Variants in SLC35F4 observed in about 807,000 individuals in gnomAD.
SLC35F4 encodes the protein solute carrier family 35 member F4.
SLC35F4 carries 24 observed loss-of-function variants against 44.2 expected under a neutral mutation model. That is an observed-to-expected ratio of 0.54 (90% confidence interval 0.39 to 0.76). SLC35F4 has a LOEUF of 0.76. SLC35F4 is among the 30% of genes least tolerant of loss of function. The pLI is 0.00. For missense variants in SLC35F4, 562 were observed against 586.1 expected, an observed-to-expected ratio of 0.96 and a Z score of 0.42; for synonymous variants, 238 against 223.6, an observed-to-expected ratio of 1.06 and a Z score of -0.57.
rs561318791 is a variant in SLC35F4 at position 57,917,588 on chromosome 14, G to A, written n.282+64325C>T. Among the ~76,000 whole-genome samples, 55 of 152,264 alleles carry A rather than the reference G, an allele frequency of 3.6e-4. 1 individual carries two copies. Among genetic ancestry groups the A allele is most frequent in the African/African-American group, 1.3e-3 (52 of 41,564 alleles). ...GATGAACTGAGAAAAAAGAACAACA[G>A]TAAATCAGCCTTTAGTAATATAGTG... On this transcript the variant is annotated intron_variant and non_coding_transcript_variant, in intron 1 of 1. Transcript: ENST00000556568.
intron 1 of SLC35F4, among the ~76,000 whole-genome samples, chr14:57,893,908 C>T (rs1412248133): frequency 2.0e-5 from 3 of 152,052 alleles, no homozygotes; most frequent in Non-Finnish European, 2.9e-5. Context: ...AAACTAATTG[C>T]TGGGATTATT....
chr14:57,716,778 TTTATAA>T (rs1225411989), intron 1 of SLC35F4, among the ~76,000 whole-genome samples: 4 of 152,180 alleles, frequency 2.6e-5, no homozygotes, highest in African/African-American at 9.7e-5. Context: ...CAGTAAATTA[TTTATAA>T]TTATAGTCAT....
chr14:57,686,914 G>C lies in SLC35F4; in HGVS notation c.104-92790C>G, dbSNP rs796800372. 3.9e-5 allele frequency among the ~76,000 whole-genome samples: 6 copies of C among 152,172 alleles called. 1 individual carries two copies. The highest frequency in any genetic ancestry group is 1.4e-4 in the African/African-American group (6 of 41,532). ...TGAAGTCCTAACTCTCAGAACCTCA[G>C]AATGTGATAGTATTTAGAGATAAGG... On this transcript the variant is annotated intron_variant, in intron 1 of 7. Transcript: ENST00000556826.
chr14:57,627,323 T>G (rs1237604145), intron 1 of SLC35F4, among the ~76,000 whole-genome samples: 1 of 152,052 alleles, frequency 6.6e-6, no homozygotes, highest in African/African-American at 2.4e-5. Flanking sequence ...ATATTTAGAG[T>G]AGAGAAACAA....
chr14:57,862,046 C>T (rs940036249), intron 1 of SLC35F4, among the ~76,000 whole-genome samples: 1 of 152,118 alleles, frequency 6.6e-6, no homozygotes, highest in Non-Finnish European at 1.5e-5. Flanking sequence ...ATCTCTAAAA[C>T]GTTATCCTTA....
At position 57,711,453 on chromosome 14, in the gene SLC35F4, G is replaced by T. The variant is rs186345036; in HGVS notation, c.104-117329C>A. 2.6e-5 allele frequency among the ~76,000 whole-genome samples: 4 copies of T among 152,264 alleles called. No homozygotes were observed. The East Asian group carries it at 7.7e-4, about 29-fold the overall frequency. On this transcript the variant is annotated intron_variant, in intron 1 of 7. Transcript: ENST00000556826. ...GAAGTAAAAAAAAGTGGTTATGACC[G>T]AGTTAAACTATGAGTTGAATCATAT...
intron 1 of SLC35F4, among the ~76,000 whole-genome samples, chr14:57,925,499 G>GGAAGGAAGGA (rs1566930948): frequency 0.067 from 1,058 of 15,840 alleles, 19 homozygotes; most frequent in South Asian, 0.14. Context: ...GGAAGGAAGG[G>GGAAGGAAGGA]AGGGAGGGAG....
intron 1 of SLC35F4, among the ~76,000 whole-genome samples, chr14:57,716,006 G>A (rs1313230274): frequency 6.6e-6 from 1 of 152,174 alleles, no homozygotes; most frequent in Non-Finnish European, 1.5e-5. Flanking sequence ...AAGAGGAAGA[G>A]TGGTGATCAG....
intron 1 of SLC35F4, among the ~76,000 whole-genome samples, chr14:57,960,980 G>A (rs1594655297): frequency 6.6e-6 from 1 of 152,192 alleles, no homozygotes; most frequent in East Asian, 1.9e-4. Context: ...TGAAGAGTGA[G>A]GTTTCCCAAC....
At chr14:57,629,948 A>G (rs8003579) in intron 1 of SLC35F4, 337,031 of 503,658 alleles carry the variant, frequency 0.67, 117,399 homozygotes, top group Non-Finnish European at 0.74. Context: ...TTCTTCAGGA[A>G]TGTGGCCGAT....
At chr14:57,958,650 T>C (rs1156597515) in intron 1 of SLC35F4, among the ~76,000 whole-genome samples, 1 of 152,156 alleles carries the variant, frequency 6.6e-6, no homozygotes, top group Non-Finnish European at 1.5e-5. Flanking sequence ...AGTGTTATGA[T>C]ATGTGAATTA....
At chr14:57,918,797 C>A (rs149854279) in intron 1 of SLC35F4, among the ~76,000 whole-genome samples, 22 of 152,242 alleles carry the variant, frequency 1.4e-4, no homozygotes, top group Admixed American at 3.9e-4. Flanking sequence ...GGGGTCCAGC[C>A]TATCCCAAGG....
intron 1 of SLC35F4, among the ~76,000 whole-genome samples, chr14:57,822,140 C>CTGAGAGCTG (rs1883238178): frequency 6.6e-6 from 1 of 152,182 alleles, no homozygotes; most frequent in Non-Finnish European, 1.5e-5. Flanking sequence ...CAGCTCAGAC[C>CTGAGAGCTG]TCATGGGAAC....
At chr14:57,686,767 A>G (rs916190611) in intron 1 of SLC35F4, among the ~76,000 whole-genome samples, 1 of 152,190 alleles carries the variant, frequency 6.6e-6, no homozygotes, top group African/African-American at 2.4e-5. Context: ...TGTGGATCCC[A>G]ACATAATTTT....
intron 5 of SLC35F4, 63 bp from the exon 6 acceptor site, chr14:57,570,043 T>C (rs2068416882): frequency 2.1e-6 from 3 of 1,405,764 alleles, no homozygotes; most frequent in Admixed American, 5.6e-5. Flanking sequence ...ACGTAAGTCT[T>C]ACTGTTCCAT....
intron 1 of SLC35F4, among the ~76,000 whole-genome samples, chr14:57,917,937 G>A (rs530644701): frequency 4.9e-4 from 75 of 152,224 alleles, no homozygotes; most frequent in African/African-American, 1.7e-3. Flanking sequence ...ACCTTTAGCT[G>A]TGACAGGATG....
At chr14:57,967,648 A>G (rs1233620905) in intron 1 of SLC35F4, among the ~76,000 whole-genome samples, 1 of 152,228 alleles carries the variant, frequency 6.6e-6, no homozygotes, top group Non-Finnish European at 1.5e-5. Flanking sequence ...TTTCTCAGCT[A>G]GGGCAACTGA....
At chr14:57,881,352 C>A (rs1443449838) in intron 1 of SLC35F4, among the ~76,000 whole-genome samples, 2 of 152,114 alleles carry the variant, frequency 1.3e-5, no homozygotes, top group African/African-American at 4.8e-5. Context: ...CCAGTACTTC[C>A]CTCTACCAGG....
At chr14:57,901,965 G>C (rs1215946358) in intron 1 of SLC35F4, among the ~76,000 whole-genome samples, 1 of 152,178 alleles carries the variant, frequency 6.6e-6, no homozygotes, top group Non-Finnish European at 1.5e-5. Flanking sequence ...ACCTCTGAGA[G>C]ACTGCTGTGA....
Sources: allele counts gnomAD v4.1 joint callset (sites outside exome capture counted in the v4.1 genomes callset), GRCh38; gene constraint gnomAD v4.1.1; transcripts MANE v1.5; gene names NCBI Gene and HGNC (gene_info 2026-07-23, HGNC 2026-07-21).